MACROD2: variants seen among roughly 807,000 people sequenced by gnomAD.
The protein encoded by MACROD2 is ADP-ribose glycohydrolase MACROD2.
A neutral mutation model predicts 70.4 loss-of-function variants in MACROD2; 36 were observed. The ratio of observed to expected loss-of-function variants is 0.51; its 90% CI spans 0.39 to 0.68. The LOEUF is 0.68. MACROD2 is among the 30% of genes least tolerant of loss of function. The pLI, the probability that MACROD2 is intolerant of heterozygous loss-of-function variation, is 0.00. For synonymous variants in MACROD2, 172 were observed against 178.8 expected, an observed-to-expected ratio of 0.96 and a Z score of 0.30; for missense variants, 496 against 538.4, an observed-to-expected ratio of 0.92 and a Z score of 0.78.
chr20:14,842,237 C>T (rs1042979881), intron 5 of MACROD2, among the ~76,000 whole-genome samples: 7 of 152,100 alleles, frequency 4.6e-5, no homozygotes, highest in African/African-American at 1.7e-4. Flanking sequence ...CTCATGATAA[C>T]AGCCTTCATC....
At chr20:15,022,421 A>T (rs2122970163) in intron 5 of MACROD2, among the ~76,000 whole-genome samples, 1 of 152,234 alleles carries the variant, frequency 6.6e-6, no homozygotes, top group Admixed American at 6.5e-5. Context: ...TTGGTGGTAG[A>T]CTTTGATTTT....
intron 4 of MACROD2, among the ~76,000 whole-genome samples, chr20:14,595,270 C>T (rs762692223): frequency 4.6e-5 from 7 of 152,086 alleles, no homozygotes; most frequent in Non-Finnish European, 8.8e-5. Flanking sequence ...AGGGTGAGCA[C>T]GGTGGGGTTT....
intron 12 of MACROD2, among the ~76,000 whole-genome samples, chr20:15,966,624 C>A (rs888702319): frequency 6.6e-6 from 1 of 152,146 alleles, no homozygotes; most frequent in Non-Finnish European, 1.5e-5. Flanking sequence ...TGCCTATGGT[C>A]CTAGCTACTA....
intron 5 of MACROD2, among the ~76,000 whole-genome samples, chr20:14,708,393 T>C (rs897067926): frequency 6.6e-6 from 1 of 152,144 alleles, no homozygotes; most frequent in Admixed American, 6.5e-5. Context: ...GTGTCTGTGT[T>C]CCAATAAAAC....
intron 3 of MACROD2, among the ~76,000 whole-genome samples, chr20:14,270,727 A>G (rs560827883): frequency 5.8e-4 from 89 of 152,286 alleles, no homozygotes; most frequent in African/African-American, 2.1e-3. Context: ...GAGAGCCAAG[A>G]TGGCCGAATA....
chr20:15,750,560 C>CAA (rs11464330), intron 8 of MACROD2, among the ~76,000 whole-genome samples: 209 of 147,140 alleles, frequency 1.4e-3, no homozygotes, highest in African/African-American at 4.5e-3. Flanking sequence ...GGAGGTTCCT[C>CAA]AAAAAAAAAA....
At chr20:14,365,411 T>C (rs374493952) in intron 3 of MACROD2, among the ~76,000 whole-genome samples, 1 of 151,396 alleles carries the variant, frequency 6.6e-6, no homozygotes, top group Non-Finnish European at 1.5e-5. Flanking sequence ...AATATTTATG[T>C]AATAATGTTC....
At chr20:15,218,634 T>G (rs1012939598) in intron 5 of MACROD2, among the ~76,000 whole-genome samples, 11 of 152,094 alleles carry the variant, frequency 7.2e-5, no homozygotes, top group African/African-American at 2.7e-4. Flanking sequence ...CTTTTTTCCT[T>G]GAGTCTTTGC....
At chr20:15,091,013 C>T (rs1246955747) in intron 5 of MACROD2, among the ~76,000 whole-genome samples, 1 of 151,866 alleles carries the variant, frequency 6.6e-6, no homozygotes, top group Non-Finnish European at 1.5e-5. Context: ...ATTGACCTTC[C>T]CTCCCCACCC....
At chr20:14,121,457 T>G (rs79632355) in intron 3 of MACROD2, among the ~76,000 whole-genome samples, 1 of 152,228 alleles carries the variant, frequency 6.6e-6, no homozygotes, top group Non-Finnish European at 1.5e-5. Context: ...GACATGTACT[T>G]CATGATATTA....
At chr20:14,125,187 T>C (rs1424840257) in intron 3 of MACROD2, among the ~76,000 whole-genome samples, 1 of 152,156 alleles carries the variant, frequency 6.6e-6, no homozygotes, top group Admixed American at 6.5e-5. Context: ...ATATGAGATT[T>C]AATGGATCTG....
intron 5 of MACROD2, among the ~76,000 whole-genome samples, chr20:14,694,666 A>G (rs1171836819): frequency 1.3e-5 from 2 of 152,144 alleles, no homozygotes; most frequent in African/African-American, 4.8e-5. Context: ...TTGCCAATAA[A>G]CTTTATGACA....
chr20:15,366,617 C>A (rs551479457), intron 6 of MACROD2, among the ~76,000 whole-genome samples: 1 of 151,970 alleles, frequency 6.6e-6, no homozygotes, highest in Non-Finnish European at 1.5e-5. Context: ...GTGGTGCAAT[C>A]ATAGCTCACT....
chr20:15,896,187 A>G (rs2064969602), intron 10 of MACROD2, among the ~76,000 whole-genome samples: 2 of 152,174 alleles, frequency 1.3e-5, no homozygotes. Context: ...TTTTTTAGAA[A>G]GAGAAGCTCC....
chr20:14,528,321 GTT>G (rs530596762), intron 4 of MACROD2, among the ~76,000 whole-genome samples: 1 of 137,018 alleles, frequency 7.3e-6, no homozygotes. Flanking sequence ...CAGGGTTTCT[GTT>G]TTTTTTTTTT....
intron 5 of MACROD2, among the ~76,000 whole-genome samples, chr20:15,124,195 G>A (rs1025337305): frequency 6.6e-6 from 1 of 151,338 alleles, no homozygotes; most frequent in Non-Finnish European, 1.5e-5. Flanking sequence ...CATGTAAGTG[G>A]CAGTGAAGAA....
chr20:15,963,862 C>A (rs972852085), intron 12 of MACROD2, among the ~76,000 whole-genome samples: 1 of 151,872 alleles, frequency 6.6e-6, no homozygotes, highest in Non-Finnish European at 1.5e-5. Flanking sequence ...GAAAGTGTTT[C>A]TTTTTTATTC....
chr20:15,158,586 G>T (rs1232859862), intron 5 of MACROD2, among the ~76,000 whole-genome samples: 1 of 152,120 alleles, frequency 6.6e-6, no homozygotes, highest in African/African-American at 2.4e-5. Context: ...AGAGAGATTA[G>T]GAGGTCAATG....
intron 3 of MACROD2, among the ~76,000 whole-genome samples, chr20:14,441,685 G>A (rs1168635617): frequency 6.6e-6 from 1 of 152,110 alleles, no homozygotes. Context: ...GAGATTTCCA[G>A]CATAGTTTCT....
Sources: gnomAD v4.1 joint callset for allele counts (sites outside exome capture counted in the v4.1 genomes callset) on GRCh38, gnomAD v4.1.1 for gene constraint, MANE v1.5 for transcripts, NCBI Gene and HGNC (gene_info 2026-07-23, HGNC 2026-07-21) for gene names.